Variants in CYBA observed in about 807,000 individuals in gnomAD.
CYBA encodes cytochrome b-245 alpha chain.
In CYBA, 21 loss-of-function variants were observed where a neutral mutation model predicts 20.8. The observed-to-expected ratio is 1.01, with a 90% CI of 0.72 to 1.46. The LOEUF (loss-of-function observed/expected upper bound fraction) is 1.46. Ranked by LOEUF, CYBA falls within the 40% of genes most tolerant of loss-of-function variation. The pLI is 0.00. For synonymous variants in CYBA, 164 were observed against 127.5 expected (o/e 1.29, Z -1.93); for missense variants, 344 against 287.0 (o/e 1.20, Z -1.43).
intron 5 of CYBA, chr16:88,645,123 T>C (rs1275828704): frequency 2.9e-6 from 2 of 697,212 alleles, no homozygotes; most frequent in East Asian, 2.7e-5. Flanking sequence ...AATTCCTCTC[T>C]GGGTTTAGCA....
At position 88,643,605 on chromosome 16, in the gene CYBA, G is replaced by A; in HGVS notation, c.370-34C>T. On this transcript the variant is annotated intron_variant, in intron 5 of 5. Coordinates refer to ENST00000261623, the MANE Select transcript of CYBA (RefSeq NM_000101.4). The surrounding 1 kb of genome is among the most constrained non-coding windows in gnomAD (Gnocchi z 4.3). Reference sequence around the variant, plus strand: ...CACTGAAGGGTTGAGCCGCGCCCCAGCGCCCGCCCTCCCTCCCTCCCTCCC... The same window carrying A: ...CACTGAAGGGTTGAGCCGCGCCCCAACGCCCGCCCTCCCTCCCTCCCTCCC... 1.3e-6 allele frequency: 2 copies of A among 1,520,410 alleles called. No individual in the cohort carries two copies. Among genetic ancestry groups the A allele is most frequent in the Non-Finnish European group, 1.8e-6 (2 of 1,136,280 alleles). 94.2% of individuals were successfully genotyped at this position (1,520,410 alleles called of 1,614,324 possible).
intron 1 of CYBA, chr16:88,650,698 C>T: frequency 1.6e-6 from 1 of 616,282 alleles, no homozygotes; most frequent in African/African-American, 1.8e-5. Flanking sequence ...AGTCGGGGGA[C>T]CGAGAGAAGG....
intron 5 of CYBA, chr16:88,645,619 C>G (rs1280952013): frequency 1.7e-6 from 1 of 598,788 alleles, no homozygotes; most frequent in Non-Finnish European, 3.0e-6. Flanking sequence ...ATCACTGTAT[C>G]CCATGGGATG....
chr16:88,647,340 G>A (rs745518325), intron 2 of CYBA, among the ~76,000 whole-genome samples, 165 bp from the exon 3 acceptor site: 11 of 152,214 alleles, frequency 7.2e-5, no homozygotes, highest in African/African-American at 1.2e-4. Flanking sequence ...CCAGGAGTTT[G>A]AGACCAGCCT....
intron 1 of CYBA, among the ~76,000 whole-genome samples, chr16:88,648,588 T>TG (rs909358438): frequency 1.3e-5 from 2 of 151,620 alleles, no homozygotes; most frequent in Admixed American, 1.3e-4. Context: ...TGCACATTTT[T>TG]GGGGGGGTAT....
chr16:88,650,459 G>C (rs748134000), intron 1 of CYBA: 2 of 460,056 alleles, frequency 4.3e-6, no homozygotes, highest in Non-Finnish European at 8.7e-6. Context: ...ATCTCAGACC[G>C]CCTCCAGCGC....
At chr16:88,645,732 G>A in intron 5 of CYBA, 1 of 538,516 alleles carries the variant, frequency 1.9e-6, no homozygotes. Context: ...AGCGCGAATA[G>A]GGTTTAGGTG....
chr16:88,643,476 G>A lies in CYBA; in HGVS notation c.465C>T (p.Pro155=). The change falls in exon 6 of 6, where the codon CCC becomes CCT. Residue 155 remains proline (P), a synonymous_variant. Transcript: ENST00000261623. The surrounding 1 kb of genome is among the most constrained non-coding windows in gnomAD (Gnocchi z 4.3). Reference sequence around the variant, plus strand: ...GGGCCTCGGCCGGGGGCCGCGGCGGGGGGTTGCTGGGCGGCTGCTTGATGG... The same window carrying A: ...GGGCCTCGGCCGGGGGCCGCGGCGGAGGGTTGCTGGGCGGCTGCTTGATGG... The part of the protein sequence containing the change: ...GGTIKQPPSN[P]PPRPPAEARK... 1 of 1,532,484 alleles carries A rather than the reference G, an allele frequency of 6.5e-7. No individual in the cohort carries two copies. Among genetic ancestry groups the A allele is most frequent in the Non-Finnish European group, 8.7e-7 (1 of 1,144,568 alleles). The allele number at this position is 1,532,484 out of a possible 1,614,324, so 94.9% of individuals were successfully genotyped here.
At chr16:88,648,590 G>A (rs987022517) in intron 1 of CYBA, among the ~76,000 whole-genome samples, 6 of 151,880 alleles carry the variant, frequency 4.0e-5, no homozygotes, top group African/African-American at 9.7e-5. Flanking sequence ...CACATTTTTG[G>A]GGGGGTATTG....
At chr16:88,645,018 G>A in intron 5 of CYBA, 2 of 620,298 alleles carry the variant, frequency 3.2e-6, no homozygotes, top group East Asian at 5.5e-5. Flanking sequence ...TGCATGGTGG[G>A]AGAGATGGGG....
Position 88,646,184 on chromosome 16 carries a change from C to A in CYBA, c.301G>T (p.Ala101Ser). Reference sequence around the variant, plus strand: ...AGGATGGTGGCCAGCAGGAAGCCGGCGGGCACCGAGAGCCTGGGGGACAGC... The same window carrying A: ...AGGATGGTGGCCAGCAGGAAGCCGGAGGGCACCGAGAGCCTGGGGGACAGC... ...AVLHLLLSVP[A>S]GFLLATILGT... The change falls in exon 5 of 6, where the codon GCC becomes TCC. Residue 101 changes from alanine to serine, a missense_variant. Coordinates refer to ENST00000261623, the MANE Select transcript of CYBA (RefSeq NM_000101.4). 6.4e-7 allele frequency: 1 copy of A among 1,555,008 alleles called. No individual in the cohort carries two copies. Among genetic ancestry groups the A allele is most frequent in the Non-Finnish European group, 8.7e-7 (1 of 1,152,690 alleles).
At chr16:88,645,489 C>T (rs973533677) in intron 5 of CYBA, 16 of 691,518 alleles carry the variant, frequency 2.3e-5, no homozygotes, top group African/African-American at 8.8e-5. Flanking sequence ...CAGAGACCCC[C>T]GCAGTGAGAG....
intron 1 of CYBA, among the ~76,000 whole-genome samples, chr16:88,649,899 G>A (rs1486774166): frequency 6.6e-6 from 1 of 152,188 alleles, no homozygotes; most frequent in Non-Finnish European, 1.5e-5. Flanking sequence ...GGGAGTGCGG[G>A]GCAGGCAGGG....
rs11547387 is a variant in CYBA at position 88,647,125 on chromosome 16, T to G, written c.179A>C (p.Lys60Thr). The change falls in exon 3 of 6, where the codon AAG becomes ACG. Residue 60 changes from lysine to threonine, a missense_variant. By Grantham distance (78) the Lys-to-Thr change is moderately conservative. Coordinates refer to ENST00000261623, the MANE Select transcript of CYBA (RefSeq NM_000101.4). ...CCAGCGCTCCATGGTGGAGCCCTTC[T>G]TCCTCTTCCCCCGGGGGTACTCCAG... Reference protein sequence around the residue: ...CLLEYPRGKRKKGSTMERWGQ... With the variant: ...CLLEYPRGKRTKGSTMERWGQ... The G allele has an allele frequency of 5.6e-3, 8,946 of 1,611,518 alleles. 38 individuals are homozygous for G. Among genetic ancestry groups the G allele is most frequent in the Admixed American group, 7.0e-3 (418 of 59,976 alleles).
Position 88,646,189 on chromosome 16 carries a change from A to T in CYBA, c.296T>A (p.Val99Glu). 2 of 1,553,546 alleles carry T rather than the reference A, an allele frequency of 1.3e-6. No individual in the cohort carries two copies. Among genetic ancestry groups the T allele is most frequent in the South Asian group, 2.4e-5 (2 of 84,640 alleles). ...GGTGGCCAGCAGGAAGCCGGCGGGC[A>T]CCGAGAGCCTGGGGGACAGCGGGTG... is the stretch of plus-strand genomic sequence containing the variant. Reference protein sequence around the residue: ...VRAVLHLLLSVPAGFLLATIL... With the variant: ...VRAVLHLLLSEPAGFLLATIL... The change falls in exon 5 of 6, where the codon GTG (valine) becomes GAG (glutamate). Residue 99 changes from valine to glutamate, a missense_variant. By Grantham distance (121) the Val-to-Glu change is moderately radical. Coordinates refer to ENST00000261623, the MANE Select transcript of CYBA (RefSeq NM_000101.4).
At chr16:88,648,190 G>C (rs1324656803) in intron 1 of CYBA, 76 bp from the exon 2 acceptor site, 1 of 1,435,574 alleles carries the variant, frequency 7.0e-7, no homozygotes. Context: ...TCTACCTACT[G>C]TGGGCCACCA....
rs537503776 is a variant in CYBA at position 88,643,958 on chromosome 16, G to A, written c.370-387C>T. 1.6e-4 allele frequency among the ~76,000 whole-genome samples: 24 copies of A among 152,286 alleles called. No individual in the cohort carries two copies. The East Asian group carries it at 4.4e-3, about 28-fold the overall frequency. ...GTGGCCCAGGAGAGTAGCAGGCCCT[G>A]CTCCGTCTGGTGGGCGCCATTCACC... On this transcript the variant is annotated intron_variant, in intron 5 of 5. Transcript: ENST00000261623. This position sits in a 1 kb window ranked among gnomAD's most constrained non-coding sequence, Gnocchi z 4.3.
intron 1 of CYBA, chr16:88,650,337 AGCAAAT>A: frequency 2.2e-6 from 1 of 456,134 alleles, no homozygotes; most frequent in Non-Finnish European, 4.4e-6. Context: ...AGAACCTCTG[AGCAAAT>A]GCACAGGAGG....
chr16:88,646,796 G>C lies in CYBA; in HGVS notation c.246C>G (p.Pro82=). 1 of 1,613,982 alleles carries C rather than the reference G, an allele frequency of 6.2e-7. No homozygotes were observed. Residue 82 remains proline (P), a synonymous_variant, in exon 4 of 6, where the codon CCC becomes CCG. Transcript: ENST00000261623. ...CCCGAACATAGTAATTCCTGGTAAA[G>C]GGCCCGAACAGCTTCACCACGGCGG... The part of the protein sequence containing the change: ...YMTAVVKLFG[P]FTRNYYVRAV...
Sources: allele counts gnomAD v4.1 joint callset (sites outside exome capture counted in the v4.1 genomes callset), GRCh38; gene constraint gnomAD v4.1.1; non-coding constraint Gnocchi (gnomAD v3.1); transcripts MANE v1.5; gene names NCBI Gene and HGNC (gene_info 2026-07-23, HGNC 2026-07-21).